Variants in DPF3 observed in about 807,000 individuals in gnomAD.
DPF3 encodes the protein double PHD fingers 3, also known as zinc finger protein DPF3.
In DPF3, 18 loss-of-function variants were observed where a neutral mutation model predicts 56.8. The observed-to-expected ratio is 0.32, with a 90% CI of 0.22 to 0.47. DPF3 has a LOEUF of 0.47. DPF3 is among the 20% of genes least tolerant of loss of function. DPF3 has a pLI of 1.00. For missense variants in DPF3, 403 were observed against 488.8 expected, an observed-to-expected ratio of 0.82 and a Z score of 1.65; for synonymous variants, 188 against 180.2, an observed-to-expected ratio of 1.04 and a Z score of -0.35.
intron 1 of DPF3, among the ~76,000 whole-genome samples, chr14:72,798,208 C>G (rs187196305): frequency 7.4e-6 from 1 of 134,520 alleles, no homozygotes; most frequent in Non-Finnish European, 1.5e-5. Context: ...GAGCCAGGAT[C>G]GCACCACGGC....
chr14:72,773,997 C>T (rs1318990334), intron 1 of DPF3: 6 of 454,166 alleles, frequency 1.3e-5, no homozygotes, highest in South Asian at 4.7e-5. Flanking sequence ...CAAAACCCTG[C>T]TTTCAGGCTG....
At chr14:72,636,090 G>T (rs896940352) in intron 8 of DPF3, among the ~76,000 whole-genome samples, 3 of 152,130 alleles carry the variant, frequency 2.0e-5, no homozygotes, top group Admixed American at 6.5e-5. Flanking sequence ...CTCAAATTGT[G>T]CTCCTTATTC....
intron 6 of DPF3, among the ~76,000 whole-genome samples, chr14:72,701,891 C>G (rs1280010698): frequency 6.6e-6 from 1 of 152,204 alleles, no homozygotes; most frequent in Admixed American, 6.5e-5. Flanking sequence ...GCTTCCTTCT[C>G]TCTGCAGCTG....
intron 8 of DPF3, among the ~76,000 whole-genome samples, chr14:72,660,193 G>A (rs1172194536): frequency 2.0e-5 from 3 of 151,746 alleles, no homozygotes; most frequent in African/African-American, 7.3e-5. Context: ...GGTTAGAAAG[G>A]CAAATTTTAT....
intron 4 of DPF3, among the ~76,000 whole-genome samples, chr14:72,726,887 C>T (rs1397144390): frequency 6.6e-6 from 1 of 152,170 alleles, no homozygotes; most frequent in African/African-American, 2.4e-5. Context: ...TTATCTCTGG[C>T]CTGGAATACT....
At position 72,611,912 on chromosome 14, in the gene DPF3, A is replaced by G. The variant is rs1487449681; in HGVS notation, c.*7385T>C. Among the ~76,000 whole-genome samples, 4 of 152,136 alleles carry G rather than the reference A, an allele frequency of 2.6e-5. No individual in the cohort carries two copies. The highest frequency in any genetic ancestry group is 9.7e-5 in the African/African-American group (4 of 41,424). On this transcript the variant is annotated 3_prime_UTR_variant, in exon 11 of 11. Coordinates refer to ENST00000556509, the MANE Select transcript of DPF3 (RefSeq NM_001280542.3). ...TACTTACACCTTCCGTGATGGCGCG[A>G]TACTTGACCTACAATCACGATTGCT...
intron 3 of DPF3, among the ~76,000 whole-genome samples, chr14:72,736,915 G>A (rs967233484): frequency 1.3e-5 from 2 of 151,516 alleles, no homozygotes; most frequent in Non-Finnish European, 2.9e-5. Flanking sequence ...TATACACATG[G>A]ATATAAACCC....
At chr14:72,722,323 G>C (rs1477858333) in intron 5 of DPF3, among the ~76,000 whole-genome samples, 2 of 152,208 alleles carry the variant, frequency 1.3e-5, no homozygotes, top group Admixed American at 6.5e-5. Context: ...TGCCCGCCCA[G>C]CCCCTGCACA....
At chr14:72,671,018 C>T (rs1311502717) in intron 8 of DPF3, 2 of 1,468,040 alleles carry the variant, frequency 1.4e-6, no homozygotes, top group Non-Finnish European at 1.8e-6. Flanking sequence ...GGAAAAAAAG[C>T]AAGGATAGAG....
intron 1 of DPF3, among the ~76,000 whole-genome samples, chr14:72,835,866 A>G (rs1884270155): frequency 2.0e-5 from 3 of 152,148 alleles, no homozygotes; most frequent in African/African-American, 7.2e-5. Flanking sequence ...GGAAAGGAGA[A>G]ATGGTTTCCA....
intron 1 of DPF3, among the ~76,000 whole-genome samples, chr14:72,826,037 A>G (rs1029293412): frequency 3.9e-5 from 6 of 152,270 alleles, no homozygotes; most frequent in Admixed American, 2.6e-4. Flanking sequence ...GGTTAGGGAC[A>G]GTCATTGATC....
At chr14:72,681,713 T>A (rs1887171617) in intron 7 of DPF3, among the ~76,000 whole-genome samples, 1 of 149,800 alleles carries the variant, frequency 6.7e-6, no homozygotes, top group Non-Finnish European at 1.5e-5. Context: ...GATGTCTCCA[T>A]CCTGAGATGG....
chr14:72,666,298 C>A (rs1366925306), intron 8 of DPF3, among the ~76,000 whole-genome samples: 1 of 152,198 alleles, frequency 6.6e-6, no homozygotes, highest in Non-Finnish European at 1.5e-5. Context: ...TGCTACTTCT[C>A]AGAAAGATTC....
At position 72,615,273 on chromosome 14, in the gene DPF3, A is replaced by G. The variant is rs1884024925; in HGVS notation, c.*4024T>C. On this transcript the variant is annotated 3_prime_UTR_variant, in exon 11 of 11. Coordinates refer to ENST00000556509, the MANE Select transcript of DPF3 (RefSeq NM_001280542.3). ...TACCTCCTCACACACAGACCCAAAG[A>G]GGAGACTATAAGCCCCTCTTCTTTG... Among the ~76,000 whole-genome samples the G allele has an allele frequency of 6.6e-6, 1 of 152,136 alleles. No homozygotes were observed. The highest frequency in any genetic ancestry group is 1.5e-5 in the Non-Finnish European group (1 of 68,008).
intron 1 of DPF3, among the ~76,000 whole-genome samples, chr14:72,838,184 T>C (rs369519516): frequency 2.0e-5 from 3 of 152,188 alleles, no homozygotes; most frequent in Non-Finnish European, 4.4e-5. Context: ...CTGGAAGTCA[T>C]TGATGCCATT....
chr14:72,733,352 G>A (rs1889754005), intron 3 of DPF3, among the ~76,000 whole-genome samples: 1 of 151,948 alleles, frequency 6.6e-6, no homozygotes, highest in African/African-American at 2.4e-5. Context: ...TACAGAGATG[G>A]GGAGAGGTGA....
At chr14:72,812,563 C>T (rs1883097755) in intron 1 of DPF3, among the ~76,000 whole-genome samples, 1 of 152,132 alleles carries the variant, frequency 6.6e-6, no homozygotes, top group Non-Finnish European at 1.5e-5. Context: ...CCGAGAGCCA[C>T]CTGAGCTGCA....
chr14:72,609,325 T>C lies in DPF3; in HGVS notation c.*9972A>G, dbSNP rs1481064074. On this transcript the variant is annotated 3_prime_UTR_variant, in exon 11 of 11. Coordinates refer to ENST00000556509, the MANE Select transcript of DPF3 (RefSeq NM_001280542.3). ...AAAGGCAGCAAGAGAGGTGGGGTGG[T>C]CCTGGCACGTGGGCCACCAGTCTTC... is the stretch of plus-strand genomic sequence containing the variant. Among the ~76,000 whole-genome samples, 2 of 152,098 alleles carry C rather than the reference T, an allele frequency of 1.3e-5. No homozygotes were observed. The highest frequency in any genetic ancestry group is 6.5e-5 in the Admixed American group (1 of 15,284).
At chr14:72,688,362 A>G in intron 7 of DPF3, among the ~76,000 whole-genome samples, 1 of 151,832 alleles carries the variant, frequency 6.6e-6, no homozygotes. Context: ...GGATGGATGC[A>G]TGGATGGATT....
Sources: allele counts gnomAD v4.1 joint callset (sites outside exome capture counted in the v4.1 genomes callset), GRCh38; gene constraint gnomAD v4.1.1; transcripts MANE v1.5; gene names NCBI Gene and HGNC (gene_info 2026-07-23, HGNC 2026-07-21).